MICU1: variants seen among roughly 807,000 people sequenced by gnomAD.
MICU1 encodes calcium uptake protein 1, mitochondrial.
Under a neutral mutation model 56.8 loss-of-function variants are expected in MICU1, and 45 were observed. The ratio of observed to expected loss-of-function variants is 0.79; its 90% confidence interval spans 0.62 to 1.02. The LOEUF is 1.02. Among genes scored for constraint, MICU1 ranks in the 50% least tolerant of loss-of-function variants. MICU1 has a pLI of 0.00. For missense variants in MICU1, 504 were observed against 587.1 expected (o/e 0.86, Z 1.46); for synonymous variants, 186 against 195.1 (o/e 0.95, Z 0.39).
chr10:72,424,243 A>T (rs945076103), intron 8 of MICU1, among the ~76,000 whole-genome samples: 3 of 151,856 alleles, frequency 2.0e-5, no homozygotes, highest in African/African-American at 7.3e-5. Context: ...CTCCCGAGTA[A>T]ATGGGATTAC....
intron 1 of MICU1, among the ~76,000 whole-genome samples, chr10:72,613,342 T>C (rs1249077263): frequency 6.7e-6 from 1 of 149,566 alleles, no homozygotes; most frequent in African/African-American, 2.5e-5. Flanking sequence ...GGCATGAGCA[T>C]AGCACTCTGC....
intron 1 of MICU1, among the ~76,000 whole-genome samples, chr10:72,575,318 A>G (rs1362324790): frequency 6.6e-6 from 1 of 152,226 alleles, no homozygotes; most frequent in Non-Finnish European, 1.5e-5. Flanking sequence ...ACTTTCACAA[A>G]TATTTGTATT....
At chr10:72,479,160 G>T (rs1866212235) in intron 6 of MICU1, among the ~76,000 whole-genome samples, 1 of 152,178 alleles carries the variant, frequency 6.6e-6, no homozygotes, top group Non-Finnish European at 1.5e-5. Context: ...GGGGCTCAAA[G>T]CAGTTAAATG....
intron 10 of MICU1, among the ~76,000 whole-genome samples, chr10:72,390,192 A>G (rs2132064641): frequency 6.6e-6 from 1 of 152,322 alleles, no homozygotes. Flanking sequence ...AAAAATGAAA[A>G]AAAGAAAAAG....
chr10:72,450,538 C>T (rs16929864), intron 8 of MICU1, among the ~76,000 whole-genome samples: 6,201 of 151,998 alleles, frequency 0.041, 408 homozygotes, highest in African/African-American at 0.14. Flanking sequence ...ATACACATTC[C>T]GGGGAACTAA....
intron 9 of MICU1, among the ~76,000 whole-genome samples, chr10:72,417,709 T>G (rs907646393): frequency 6.6e-6 from 1 of 152,166 alleles, no homozygotes; most frequent in Non-Finnish European, 1.5e-5. Flanking sequence ...AGAGCATCAA[T>G]AGAGTAATTT....
chr10:72,471,145 C>A (rs1865938383), intron 8 of MICU1, among the ~76,000 whole-genome samples: 1 of 152,044 alleles, frequency 6.6e-6, no homozygotes, highest in African/African-American at 2.4e-5. Flanking sequence ...AGTGCAGTGG[C>A]GCAATCTTGG....
intron 5 of MICU1, among the ~76,000 whole-genome samples, chr10:72,515,072 C>T (rs1867604091): frequency 6.6e-6 from 1 of 152,158 alleles, no homozygotes; most frequent in Non-Finnish European, 1.5e-5. Flanking sequence ...AGGTTGATGC[C>T]CACATCCAGA....
chr10:72,587,014 G>A (rs760597311), intron 1 of MICU1, among the ~76,000 whole-genome samples: 13 of 152,112 alleles, frequency 8.5e-5, no homozygotes, highest in Non-Finnish European at 1.0e-4. Flanking sequence ...CCAAATCTCA[G>A]GGCATGACTT....
chr10:72,525,661 T>G (rs1867941189), intron 5 of MICU1, among the ~76,000 whole-genome samples: 1 of 152,140 alleles, frequency 6.6e-6, no homozygotes, highest in Non-Finnish European at 1.5e-5. Flanking sequence ...GCTTTTCAAG[T>G]AAACGAAGAA....
At chr10:72,613,441 A>G (rs942169392) in intron 1 of MICU1, among the ~76,000 whole-genome samples, 12 of 150,280 alleles carry the variant, frequency 8.0e-5, no homozygotes, top group African/African-American at 2.9e-4. Context: ...CGCCTGGCTG[A>G]TTTTTTTTTA....
chr10:72,412,436 C>G (rs182060216), intron 9 of MICU1, among the ~76,000 whole-genome samples: 1 of 152,062 alleles, frequency 6.6e-6, no homozygotes, highest in African/African-American at 2.4e-5. Context: ...CTCTAGGTGA[C>G]TATAAAAAGA....
intron 5 of MICU1, among the ~76,000 whole-genome samples, chr10:72,518,107 A>G (rs1470013112): frequency 2.7e-5 from 4 of 150,414 alleles, no homozygotes. Flanking sequence ...ATCTCAGCTC[A>G]CTACAACGTC....
At chr10:72,441,998 C>T (rs1454821887) in intron 8 of MICU1, among the ~76,000 whole-genome samples, 1 of 152,102 alleles carries the variant, frequency 6.6e-6, no homozygotes, top group Non-Finnish European at 1.5e-5. Flanking sequence ...AAGCAGAAAA[C>T]TCTCTAAGTC....
chr10:72,539,871 T>C (rs906518229), intron 4 of MICU1, among the ~76,000 whole-genome samples: 4 of 152,214 alleles, frequency 2.6e-5, no homozygotes, highest in Non-Finnish European at 4.4e-5. Flanking sequence ...GGAGAGAAGA[T>C]AAATTATTCT....
chr10:72,624,177 A>C (rs1472309987), intron 1 of MICU1, among the ~76,000 whole-genome samples: 1 of 152,140 alleles, frequency 6.6e-6, no homozygotes, highest in African/African-American at 2.4e-5. Flanking sequence ...TTATGGAGAA[A>C]TTTCATATCG....
chr10:72,591,252 A>G (rs1264286808), intron 1 of MICU1, among the ~76,000 whole-genome samples: 1 of 152,222 alleles, frequency 6.6e-6, no homozygotes, highest in Non-Finnish European at 1.5e-5. Context: ...ATTTAAAGGT[A>G]CAAAATGAGT....
intron 6 of MICU1, among the ~76,000 whole-genome samples, chr10:72,500,428 T>C (rs1206947104): frequency 3.4e-5 from 5 of 148,802 alleles, no homozygotes; most frequent in Non-Finnish European, 7.4e-5. Context: ...GTTCAAGCGA[T>C]TCTTGTTTCT....
In MICU1 at chr10:72,561,586, C is replaced by T. The variant is rs566041573; in HGVS notation, c.330+1309G>A. On this transcript the variant is annotated intron_variant, in intron 3 of 11. Transcript: ENST00000361114. ...CAGCACTTTGGCAGGCCGAGGCAGA[C>T]GGATCACCTGAAGTCAGGAGTTCGA... Among the ~76,000 whole-genome samples the T allele has an allele frequency of 1.2e-3, 188 of 152,292 alleles. 2 individuals carry two copies. The highest frequency in any genetic ancestry group is 3.2e-4 in the Non-Finnish European group (22 of 68,024).
Sources: gnomAD v4.1 joint callset for allele counts (sites outside exome capture counted in the v4.1 genomes callset) on GRCh38, gnomAD v4.1.1 for gene constraint, MANE v1.5 for transcripts, NCBI Gene and HGNC (gene_info 2026-07-23, HGNC 2026-07-21) for gene names.